The following NEMP2 variants were observed in gnomAD, a reference collection of about 807,000 sequenced individuals.
NEMP2 encodes the protein nuclear envelope integral membrane protein 2.
NEMP2 carries 53 observed loss-of-function variants against 54.2 expected under a neutral mutation model. The ratio of observed to expected loss-of-function variants is 0.98; its 90% CI spans 0.78 to 1.23. The LOEUF is 1.23. NEMP2 is among the 50% of genes most tolerant of loss of function. NEMP2 has a pLI of 0.00. For synonymous variants in NEMP2, 197 were observed against 190.3 expected, an observed-to-expected ratio of 1.04 and a Z score of -0.29; for missense variants, 455 against 511.3, an observed-to-expected ratio of 0.89 and a Z score of 1.06.
chr2:190,609,097 C>A, the NEMP2 span: 1 of 152,082 alleles, frequency 6.6e-6, no homozygotes, highest in South Asian at 2.1e-4. The surrounding 1 kb of genome is among the most constrained non-coding windows in gnomAD (Gnocchi z 4.7). Flanking sequence ...TGCAGATGAA[C>A]TGGGGACGAA....
rs996352930 is a variant in NEMP2 at position 190,527,039 on chromosome 2, T to C, written c.98-1661A>G. On this transcript the variant is annotated intron_variant, in intron 1 of 8. Coordinates refer to ENST00000409150, the MANE Select transcript of NEMP2 (RefSeq NM_001142645.2). The surrounding 1 kb of genome is among the most constrained non-coding windows in gnomAD (Gnocchi z 4.0). ...GATTTGAAATGAAGTGGAATGAAAGTCGTAAGTTCTTCCGGATTCAAGATA... is the reference window on the plus strand; with the variant it reads ...GATTTGAAATGAAGTGGAATGAAAGCCGTAAGTTCTTCCGGATTCAAGATA... Among the ~76,000 whole-genome samples the C allele has an allele frequency of 2.0e-5, 3 of 152,144 alleles. No homozygotes were observed. The highest frequency in any genetic ancestry group is 7.2e-5 in the African/African-American group (3 of 41,418).
Position 190,510,646 on chromosome 2 carries a change from C to T in NEMP2, c.954-109G>A. Reference sequence around the variant, plus strand: ...GCCTGTAATCCAGCATTTTGGGAGGCCTGGGGAGGCGGATCACGAGGTCAG... The same window carrying T: ...GCCTGTAATCCAGCATTTTGGGAGGTCTGGGGAGGCGGATCACGAGGTCAG... On this transcript the variant is annotated intron_variant, in intron 7 of 8. Transcript: ENST00000409150. The surrounding 1 kb of genome is among the most constrained non-coding windows in gnomAD (Gnocchi z 5.7). The T allele has an allele frequency of 8.9e-7, 1 of 1,125,802 alleles. No homozygotes were observed. The highest frequency in any genetic ancestry group is 1.3e-6 in the Non-Finnish European group (1 of 782,880). 69.7% of individuals were successfully genotyped at this position (1,125,802 alleles called of 1,614,324 possible). A position where few individuals can be genotyped will look rare whatever the true frequency, so the allele number is the denominator to read the frequency against.
chr2:190,511,994 T>A (rs1043644194), intron 7 of NEMP2, among the ~76,000 whole-genome samples: 1 of 150,462 alleles, frequency 6.6e-6, no homozygotes, highest in Middle Eastern at 3.5e-3. Context: ...ATATATATAT[T>A]TTTTCTTGAG....
chr2:190,532,583 C>T (rs1322402736), intron 1 of NEMP2, among the ~76,000 whole-genome samples: 1 of 152,188 alleles, frequency 6.6e-6, no homozygotes, highest in Non-Finnish European at 1.5e-5. Flanking sequence ...CTCTGACTTT[C>T]CTCCAAATAG....
the NEMP2 span, among the ~76,000 whole-genome samples, chr2:190,644,094 A>G: frequency 2.6e-5 from 4 of 152,236 alleles, no homozygotes; most frequent in Non-Finnish European, 4.4e-5. This position sits in a 1 kb window ranked among gnomAD's most constrained non-coding sequence, Gnocchi z 4.4. Context: ...AAATACAAGG[A>G]AAACAGTGCT....
the NEMP2 span, among the ~76,000 whole-genome samples, chr2:190,637,689 C>T: frequency 6.6e-6 from 1 of 152,200 alleles, no homozygotes; most frequent in Admixed American, 6.5e-5. The surrounding 1 kb of genome is among the most constrained non-coding windows in gnomAD (Gnocchi z 4.5). Context: ...TGACTTTCAC[C>T]CCTCTGCCCT....
chr2:190,436,399 G>C, the NEMP2 span: 1 of 1,614,198 alleles, frequency 6.2e-7, no homozygotes, highest in Non-Finnish European at 8.5e-7. This position sits in a 1 kb window ranked among gnomAD's most constrained non-coding sequence, Gnocchi z 5.3. Flanking sequence ...TTGGGGTGTA[G>C]TTGCAGACCG....
the NEMP2 span, among the ~76,000 whole-genome samples, chr2:190,558,100 A>G: frequency 3.9e-5 from 6 of 152,220 alleles, no homozygotes; most frequent in East Asian, 1.2e-3. The surrounding 1 kb of genome is among the most constrained non-coding windows in gnomAD (Gnocchi z 4.4). Flanking sequence ...TAGACTGGAT[A>G]AAGAAAATGT....
In NEMP2 at chr2:190,534,606, A is replaced by G. The variant is rs1691299435; in HGVS notation, c.50T>C (p.Leu17Pro). ...RWWLLLWLPP[L>P]ATLPVRGEAA... Reference sequence around the variant, plus strand: ...CTCCCCGCGCACGGGCAGTGTGGCCAGGGGCGGCAGCCAGAGCAGCAGCCA... The same window carrying G: ...CTCCCCGCGCACGGGCAGTGTGGCCGGGGGCGGCAGCCAGAGCAGCAGCCA... Residue 17 changes from leucine (L) to proline (P), a missense_variant, in exon 1 of 9, where the codon CTG (leucine) becomes CCG (proline). This residue lies in a region of NEMP2 where 100 missense variants were observed against 80.2 expected (regional missense o/e 1.25). Coordinates refer to ENST00000409150, the MANE Select transcript of NEMP2 (RefSeq NM_001142645.2). 2.2e-6 allele frequency: 3 copies of G among 1,390,394 alleles called. No homozygotes were observed. The highest frequency in any genetic ancestry group is 2.8e-6 in the Non-Finnish European group (3 of 1,075,738). 86.1% of individuals were successfully genotyped at this position (1,390,394 alleles called of 1,614,324 possible).
chr2:190,577,310 A>G, the NEMP2 span, among the ~76,000 whole-genome samples: 1 of 152,162 alleles, frequency 6.6e-6, no homozygotes, highest in South Asian at 2.1e-4. The surrounding 1 kb of genome is among the most constrained non-coding windows in gnomAD (Gnocchi z 4.8). Flanking sequence ...TTTTGGTCCC[A>G]TTGGTATCTT....
the NEMP2 span, among the ~76,000 whole-genome samples, chr2:190,542,423 G>A: frequency 6.6e-6 from 1 of 152,168 alleles, no homozygotes; most frequent in Admixed American, 6.5e-5. This position sits in a 1 kb window ranked among gnomAD's most constrained non-coding sequence, Gnocchi z 4.6. Context: ...TGTTGGCCCG[G>A]CTAGTCTTGA....
intron 1 of NEMP2, among the ~76,000 whole-genome samples, chr2:190,526,111 G>C (rs141138689): frequency 4.6e-5 from 7 of 152,306 alleles, no homozygotes; most frequent in African/African-American, 1.7e-4. Context: ...AACAAGAGCA[G>C]GAAGCTTTTA....
At chr2:190,634,830 G>A in the NEMP2 span, among the ~76,000 whole-genome samples, 6 of 152,216 alleles carry the variant, frequency 3.9e-5, no homozygotes, top group Non-Finnish European at 5.9e-5. This position sits in a 1 kb window ranked among gnomAD's most constrained non-coding sequence, Gnocchi z 6.8. Flanking sequence ...ACACCCGTCT[G>A]TTGGGCTGCT....
chr2:190,480,384 T>A, the NEMP2 span, among the ~76,000 whole-genome samples: 1 of 76,442 alleles, frequency 1.3e-5, no homozygotes, highest in African/African-American at 4.5e-5. Flanking sequence ...TGTACTATAG[T>A]TAGTAGTTTA....
chr2:190,475,502 A>C, the NEMP2 span, among the ~76,000 whole-genome samples: 5 of 152,150 alleles, frequency 3.3e-5, no homozygotes, highest in African/African-American at 1.2e-4. Context: ...TCCAACTTAT[A>C]AGGGATATGA....
At position 190,523,838 on chromosome 2, in the gene NEMP2, C is replaced by T. The variant is rs754782937; in HGVS notation, c.213+1425G>A. 4.6e-5 allele frequency among the ~76,000 whole-genome samples: 7 copies of T among 152,076 alleles called. No homozygotes were observed. Among genetic ancestry groups the T allele is most frequent in the Non-Finnish European group, 1.0e-4 (7 of 68,010 alleles). On this transcript the variant is annotated intron_variant, in intron 2 of 8. Transcript: ENST00000409150. This position sits in a 1 kb window ranked among gnomAD's most constrained non-coding sequence, Gnocchi z 5.3. ...CTGAAATAACTGGCAATTTGTGAGA[C>T]TATATGGATATAAATAAATACATGG...
At chr2:190,469,733 A>ATTTTTTTTAT in the NEMP2 span, 1 of 1,120,190 alleles carries the variant, frequency 8.9e-7, no homozygotes, top group Non-Finnish European at 1.2e-6. The surrounding 1 kb of genome is among the most constrained non-coding windows in gnomAD (Gnocchi z 5.3). Flanking sequence ...TTTTTATTTT[A>ATTTTTTTTAT]TTTTTATTTT....
upstream of NEMP2, chr2:190,534,934 C>T: frequency 3.2e-6 from 1 of 309,324 alleles, no homozygotes; most frequent in East Asian, 5.1e-5. Context: ...CGGCCTTGGC[C>T]TCCGGGCCTC....
the NEMP2 span, among the ~76,000 whole-genome samples, chr2:190,557,658 C>G: frequency 6.6e-6 from 1 of 152,034 alleles, no homozygotes; most frequent in Non-Finnish European, 1.5e-5. Flanking sequence ...AAAAAGTGGG[C>G]AAAGGATATG....
Sources: allele counts gnomAD v4.1 joint callset (sites outside exome capture counted in the v4.1 genomes callset), GRCh38; gene constraint gnomAD v4.1.1; regional missense constraint gnomAD v4.1.1; non-coding constraint Gnocchi (gnomAD v3.1); transcripts MANE v1.5; gene names NCBI Gene and HGNC (gene_info 2026-07-23, HGNC 2026-07-21).